The following PTAR1 variants were observed in gnomAD, a reference collection of about 807,000 sequenced individuals.
PTAR1 encodes the protein protein prenyltransferase alpha subunit repeat-containing protein 1.
A neutral mutation model predicts 45.5 loss-of-function variants in PTAR1; 17 were observed. That is an observed-to-expected ratio of 0.37 (90% CI 0.26 to 0.56). The LOEUF (loss-of-function observed/expected upper bound fraction) is 0.56. Ranked by LOEUF, PTAR1 falls within the 20% of genes least tolerant of loss-of-function variation. The pLI is 0.77. For synonymous variants in PTAR1, 169 were observed against 171.3 expected (o/e 0.99, Z 0.11); for missense variants, 391 against 476.3 (o/e 0.82, Z 1.67).
In PTAR1 at chr9:69,710,011, A is replaced by T. The variant is rs1318000406; in HGVS notation, c.*8331T>A. On this transcript the variant is annotated 3_prime_UTR_variant, in exon 8 of 8. Transcript: ENST00000340434. ...TGATCCTACTTCTAGAACATATTAAAATGAAGATGAAGGAAAACAAGTGGA... is the reference window on the plus strand; with the variant it reads ...TGATCCTACTTCTAGAACATATTAATATGAAGATGAAGGAAAACAAGTGGA... The T allele has an allele frequency of 6.6e-6, 1 of 152,144 alleles. No individual in the cohort carries two copies. The highest frequency in any genetic ancestry group is 6.5e-5 in the Admixed American group (1 of 15,272). 9.4% of individuals were successfully genotyped at this position (152,144 alleles called of 1,614,324 possible). A position where few individuals can be genotyped will look rare whatever the true frequency, so the allele number is the denominator to read the frequency against.
In PTAR1 at chr9:69,732,219, C is replaced by G; in HGVS notation, c.562G>C (p.Ala188Pro). 6.2e-7 allele frequency: 1 copy of G among 1,613,872 alleles called. No individual in the cohort carries two copies. Among genetic ancestry groups the G allele is most frequent in the Non-Finnish European group, 8.5e-7 (1 of 1,179,828 alleles). The change falls in exon 5 of 8, where the codon GCA becomes CCA. Residue 188 changes from alanine (A) to proline (P), a missense_variant. Ala to Pro is a conservative substitution (Grantham distance 27). Transcript: ENST00000340434. ...QEEMEVCGEA[A>P]GRYPSNYNAW... ...TTATAGTTGCTTGGGTATCTCCCTG[C>G]TGCTTCACCACAGACCTCCATCTCT...
At chr9:69,732,582 A>C (rs1825590108) in intron 4 of PTAR1, among the ~76,000 whole-genome samples, 2 of 152,152 alleles carry the variant, frequency 1.3e-5, no homozygotes, top group South Asian at 4.1e-4. Flanking sequence ...GAAAAAAAAA[A>C]AACTTTAAAA....
Position 69,732,252 on chromosome 9 carries a change from T to C in PTAR1, c.529A>G (p.Ile177Val), listed in dbSNP as rs1318749440. ...CCACAGACCTCCATCTCTTCTTGTA[T>C]GAGTCGCTGTGCCCTTTCTGTGGGA... ...TIPTERAQRL[I>V]QEEMEVCGEA... The change falls in exon 5 of 8, where the codon ATA becomes GTA. Residue 177 changes from isoleucine to valine, a missense_variant. Around this residue, in one of 5 missense-constraint regions of PTAR1, gnomAD observed 46 missense variants for 39.6 expected, o/e 1.16. Transcript: ENST00000340434. 3.1e-6 allele frequency: 5 copies of C among 1,613,706 alleles called. No homozygotes were observed. In the African/African-American group the frequency reaches 4.0e-5, roughly 13 times the overall value.
At chr9:69,757,109 C>G (rs1826815002) in intron 1 of PTAR1, 1 of 152,088 alleles carries the variant, frequency 6.6e-6, no homozygotes, top group Non-Finnish European at 1.5e-5. Flanking sequence ...AGATGGTACC[C>G]ACAACACTTC....
chr9:69,731,574 CT>C (rs1190434208), intron 5 of PTAR1, among the ~76,000 whole-genome samples: 2 of 152,190 alleles, frequency 1.3e-5, no homozygotes, highest in East Asian at 3.9e-4. Flanking sequence ...CAAACTGGCT[CT>C]GCATTCAAAT....
rs1246894425 is a variant in PTAR1, at chr9:69,760,003, G to A, written c.-65C>T. 6 of 1,328,714 alleles carry A rather than the reference G, an allele frequency of 4.5e-6. No individual in the cohort carries two copies. Among genetic ancestry groups the A allele is most frequent in the African/African-American group, 1.6e-5 (1 of 63,626 alleles). The allele number at this position is 1,328,714 out of a possible 1,614,324, so 82.3% of individuals were successfully genotyped here. On this transcript the variant is annotated 5_prime_UTR_variant, in exon 1 of 8. Coordinates refer to ENST00000340434, the MANE Select transcript of PTAR1 (RefSeq NM_001099666.2). ...GAGCCGGGCCGCCGGCGGGAGTTCC[G>A]CGGAGAACGAGCGCGCGCGCGCGCG...
chr9:69,736,630 A>G (rs1349535478), intron 3 of PTAR1, among the ~76,000 whole-genome samples: 1 of 152,180 alleles, frequency 6.6e-6, no homozygotes, highest in Non-Finnish European at 1.5e-5. Context: ...ACCTCTTATT[A>G]TTTATAACTG....
rs1229359317 is a variant in PTAR1, at chr9:69,713,797, G to T, written c.*4545C>A. The T allele has an allele frequency of 6.6e-6, 1 of 152,046 alleles. No individual in the cohort carries two copies. The highest frequency in any genetic ancestry group is 1.9e-4 in the East Asian group (1 of 5,198). 9.4% of individuals were successfully genotyped at this position (152,046 alleles called of 1,614,324 possible). A position where few individuals can be genotyped will look rare whatever the true frequency, so the allele number is the denominator to read the frequency against. On this transcript the variant is annotated 3_prime_UTR_variant, in exon 8 of 8. Transcript: ENST00000340434. ...AGAAAGAAAGAACTAAATCTTGGTA[G>T]GGTGCTTAAAATGATAACTAATGGA... is the stretch of plus-strand genomic sequence containing the variant.
At chr9:69,741,941 T>C in intron 2 of PTAR1, 83 bp from the exon 3 acceptor site, 1 of 811,290 alleles carries the variant, frequency 1.2e-6, no homozygotes, top group Non-Finnish European at 2.1e-6. Context: ...GTTCTCTTTC[T>C]CTCTATCACA....
chr9:69,750,572 T>G (rs1826480825), intron 2 of PTAR1, among the ~76,000 whole-genome samples: 1 of 151,330 alleles, frequency 6.6e-6, no homozygotes. Context: ...AAATTCTGCT[T>G]GAGGGCTTCT....
chr9:69,751,620 T>G (rs1309450282), intron 1 of PTAR1, among the ~76,000 whole-genome samples: 2 of 152,104 alleles, frequency 1.3e-5, no homozygotes, highest in African/African-American at 4.8e-5. Flanking sequence ...AATAATTGTA[T>G]GTATTTCTAT....
chr9:69,752,693 A>G (rs1826584334), intron 1 of PTAR1, among the ~76,000 whole-genome samples: 1 of 152,094 alleles, frequency 6.6e-6, no homozygotes, highest in African/African-American at 2.4e-5. Flanking sequence ...GATCTGTGTC[A>G]ATATCCATAA....
At chr9:69,739,128 A>T (rs1469787719) in intron 3 of PTAR1, among the ~76,000 whole-genome samples, 5 of 152,116 alleles carry the variant, frequency 3.3e-5, no homozygotes, top group African/African-American at 4.8e-5. Context: ...TTTACAGATG[A>T]AGAAATTGAA....
intron 2 of PTAR1, among the ~76,000 whole-genome samples, chr9:69,745,259 AC>A (rs1029426843): frequency 1.3e-5 from 2 of 152,084 alleles, no homozygotes; most frequent in African/African-American, 4.8e-5. Context: ...ATAACAAAAA[AC>A]CCCTTTGTAG....
intron 5 of PTAR1, among the ~76,000 whole-genome samples, chr9:69,725,310 C>T (rs1825218051): frequency 6.6e-6 from 1 of 152,118 alleles, no homozygotes; most frequent in South Asian, 2.1e-4. Context: ...GATGTTCTGG[C>T]TGTGCGTGGT....
chr9:69,735,847 C>T (rs548126328), intron 3 of PTAR1, among the ~76,000 whole-genome samples: 2 of 151,638 alleles, frequency 1.3e-5, no homozygotes, highest in Non-Finnish European at 2.9e-5. Flanking sequence ...AATACATTTT[C>T]TTTCCAACAG....
rs532380001 is a variant in PTAR1, at chr9:69,742,558, CT to C, written c.257-701del. Among the ~76,000 whole-genome samples the C allele has an allele frequency of 1.9e-4, 29 of 151,948 alleles. No individual in the cohort carries two copies. In the East Asian group the frequency reaches 5.0e-3, roughly 26 times the overall value. ...ATAAACATTTTTAAAAACTTTTTGT[CT>C]TGTAGGCTATTTTCTTGGGCTATAT... is the stretch of plus-strand genomic sequence containing the variant. On this transcript the variant is annotated intron_variant, in intron 2 of 7. Coordinates refer to ENST00000340434, the MANE Select transcript of PTAR1 (RefSeq NM_001099666.2).
rs548126328 is a variant in PTAR1 at position 69,735,847 on chromosome 9, C to A, written c.324-1593G>T. Among the ~76,000 whole-genome samples, 440 of 151,742 alleles carry A rather than the reference C, an allele frequency of 2.9e-3. 2 individuals are homozygous for A. The highest frequency in any genetic ancestry group is 4.6e-3 in the Non-Finnish European group (315 of 67,920). ...ATTCCTAAATACCACAATACATTTTCTTTCCAACAGTGACATACTATTTAT... is the reference window on the plus strand; with the variant it reads ...ATTCCTAAATACCACAATACATTTTATTTCCAACAGTGACATACTATTTAT... On this transcript the variant is annotated intron_variant, in intron 3 of 7. Coordinates refer to ENST00000340434, the MANE Select transcript of PTAR1 (RefSeq NM_001099666.2).
At chr9:69,740,654 G>GGA (rs775496672) in intron 3 of PTAR1, among the ~76,000 whole-genome samples, 1 of 143,100 alleles carries the variant, frequency 7.0e-6, no homozygotes, top group African/African-American at 2.6e-5. Context: ...AAACAAAGGG[G>GGA]AAAAAAAAAA....
Sources: gnomAD v4.1 joint callset for allele counts (sites outside exome capture counted in the v4.1 genomes callset) on GRCh38, gnomAD v4.1.1 for gene constraint, gnomAD v4.1.1 regional missense constraint, MANE v1.5 for transcripts, NCBI Gene and HGNC (gene_info 2026-07-23, HGNC 2026-07-21) for gene names.